The following CPNE5 variants were observed in gnomAD, a reference collection of about 807,000 sequenced individuals.
CPNE5 encodes the protein copine 5.
A neutral mutation model predicts 81.1 loss-of-function variants in CPNE5; 42 were observed. The ratio of observed to expected loss-of-function variants is 0.52; its 90% CI spans 0.40 to 0.67. The LOEUF (loss-of-function observed/expected upper bound fraction) is 0.67. Ranked by LOEUF, CPNE5 falls within the 30% of genes least tolerant of loss-of-function variation. The pLI is 0.00. For synonymous variants in CPNE5, 313 were observed against 321.5 expected, an observed-to-expected ratio of 0.97 and a Z score of 0.28; for missense variants, 612 against 815.5, an observed-to-expected ratio of 0.75 and a Z score of 3.04.
intron 8 of CPNE5, among the ~76,000 whole-genome samples, chr6:36,781,741 T>C (rs1166609487): frequency 6.6e-6 from 1 of 151,946 alleles, no homozygotes; most frequent in Non-Finnish European, 1.5e-5. Flanking sequence ...GGGCCCCCTG[T>C]TCAAAAACAA....
chr6:36,798,137 C>T lies in CPNE5; in HGVS notation c.404+28G>A, dbSNP rs201952143. 149 of 1,596,970 alleles carry T rather than the reference C, an allele frequency of 9.3e-5. 1 individual carries two copies. The East Asian group carries it at 3.0e-3, about 32-fold the overall frequency. On this transcript the variant is annotated intron_variant, in intron 6 of 20. Coordinates refer to ENST00000244751, the MANE Select transcript of CPNE5 (RefSeq NM_020939.2). ...GCAGAATGGGCGGGAAGTTGGCCTA[C>T]CACTGGGAAAGCAACCCAGACACTC...
intron 19 of CPNE5, 103 bp from the exon 20 acceptor site, chr6:36,743,865 C>T (rs577764997): frequency 3.3e-5 from 34 of 1,018,184 alleles, no homozygotes; most frequent in Admixed American, 2.3e-4. Flanking sequence ...AATCCAGGGC[C>T]GAGACCACTG....
chr6:36,796,311 G>A (rs1256633335), intron 6 of CPNE5, among the ~76,000 whole-genome samples: 3 of 152,194 alleles, frequency 2.0e-5, no homozygotes, highest in Non-Finnish European at 4.4e-5. Context: ...ATCTCCATAG[G>A]AAGTCTCCCT....
At chr6:36,779,037 G>T (rs952270948) in intron 8 of CPNE5, 80 bp from the exon 9 acceptor site, 85 of 935,032 alleles carry the variant, frequency 9.1e-5, no homozygotes, top group Non-Finnish European at 1.2e-4. Flanking sequence ...AGCATGAGGA[G>T]TCCAGGCACC....
chr6:36,743,415 G>A (rs1377873791), intron 20 of CPNE5, among the ~76,000 whole-genome samples: 1 of 152,268 alleles, frequency 6.6e-6, no homozygotes, highest in Non-Finnish European at 1.5e-5. Flanking sequence ...GAGGCCTGGA[G>A]GCTGAGGAAG....
At chr6:36,780,370 A>T (rs922994536) in intron 8 of CPNE5, among the ~76,000 whole-genome samples, 17 of 152,104 alleles carry the variant, frequency 1.1e-4, no homozygotes, top group Non-Finnish European at 1.9e-4. Context: ...AAGTTGAAGG[A>T]CTCAGTGACA....
chr6:36,762,543 T>C (rs1381563304), intron 12 of CPNE5, among the ~76,000 whole-genome samples: 2 of 152,144 alleles, frequency 1.3e-5, no homozygotes, highest in Non-Finnish European at 2.9e-5. Context: ...ACTGTTCTGA[T>C]TGAAAGCACA....
chr6:36,825,755 G>C (rs1772449617), intron 1 of CPNE5, among the ~76,000 whole-genome samples: 1 of 152,130 alleles, frequency 6.6e-6, no homozygotes, highest in Non-Finnish European at 1.5e-5. Flanking sequence ...TGGGGGTAGG[G>C]GTGTCTATCT....
At chr6:36,815,018 C>T (rs1771417196) in intron 3 of CPNE5, among the ~76,000 whole-genome samples, 1 of 151,862 alleles carries the variant, frequency 6.6e-6, no homozygotes, top group Admixed American at 6.6e-5. Context: ...ATTAGTCGGG[C>T]GTGGTGGTGC....
chr6:36,744,025 C>T (rs995755509), intron 19 of CPNE5, among the ~76,000 whole-genome samples: 3 of 152,256 alleles, frequency 2.0e-5, no homozygotes, highest in African/African-American at 7.2e-5. Context: ...CTTGGGGCCT[C>T]CTCCCCACAG....
chr6:36,766,163 T>C lies in CPNE5; in HGVS notation c.738-787A>G, dbSNP rs963625522. 2.0e-5 allele frequency among the ~76,000 whole-genome samples: 3 copies of C among 151,918 alleles called. No individual in the cohort carries two copies. Among genetic ancestry groups the C allele is most frequent in the Non-Finnish European group, 2.9e-5 (2 of 67,926 alleles). ...CCAGGGTCCCACAGCAGGGTCAGGTTTGGGGAGGTGGGAAGGGCCTGGGGA... is the reference window on the plus strand; with the variant it reads ...CCAGGGTCCCACAGCAGGGTCAGGTCTGGGGAGGTGGGAAGGGCCTGGGGA... On this transcript the variant is annotated intron_variant, in intron 10 of 20. Coordinates refer to ENST00000244751, the MANE Select transcript of CPNE5 (RefSeq NM_020939.2). This position sits in a 1 kb window ranked among gnomAD's most constrained non-coding sequence, Gnocchi z 4.2.
intron 13 of CPNE5, 141 bp from the exon 14 acceptor site, chr6:36,753,236 A>T: frequency 1.6e-6 from 1 of 625,288 alleles, no homozygotes; most frequent in South Asian, 1.9e-5. Flanking sequence ...ACACCACCCC[A>T]TGAAGTACTA....
At chr6:36,756,056 T>G in intron 13 of CPNE5, 189 bp downstream of exon 13, 1 of 589,198 alleles carries the variant, frequency 1.7e-6, no homozygotes. Flanking sequence ...TTGTGTGGTC[T>G]GCAAGTCAAC....
chr6:36,757,300 T>C (rs1582759423), intron 12 of CPNE5: 1 of 985,246 alleles, frequency 1.0e-6, no homozygotes. Flanking sequence ...GTGCTGCCTG[T>C]TGGTTTCTGG....
Position 36,744,295 on chromosome 6 carries a change from C to T in CPNE5, c.1462G>A (p.Val488Ile), listed in dbSNP as rs370526654. 45 of 1,584,174 alleles carry T rather than the reference C, an allele frequency of 2.8e-5. No individual in the cohort carries two copies. Among genetic ancestry groups the T allele is most frequent in the African/African-American group, 5.4e-5 (4 of 74,702 alleles). Residue 488 changes from valine to isoleucine, a missense_variant, in exon 19 of 21, where the codon GTC becomes ATC. Physicochemically the swap from Val to Ile is conservative, Grantham distance 29. Transcript: ENST00000244751. ...AAKLPMSIIIVGVGQAEFDAM... is the reference protein window; with the variant it reads ...AAKLPMSIIIIGVGQAEFDAM... The stretch of plus-strand genomic sequence containing the variant: ...TCGAACTCTGCCTGGCCCACGCCGA[C>T]GATAATGATGGACATGGGGAGCTTG...
At chr6:36,800,917 A>G (rs555358835) in intron 3 of CPNE5, among the ~76,000 whole-genome samples, 3 of 152,304 alleles carry the variant, frequency 2.0e-5, no homozygotes, top group East Asian at 1.9e-4. Context: ...AATCCTGCCA[A>G]CAACCACTGG....
At chr6:36,775,846 C>T (rs1767450573) in intron 9 of CPNE5, among the ~76,000 whole-genome samples, 1 of 152,046 alleles carries the variant, frequency 6.6e-6, no homozygotes, top group Non-Finnish European at 1.5e-5. Context: ...CTGGCACATC[C>T]CTAGTGCCTA....
intron 1 of CPNE5, among the ~76,000 whole-genome samples, chr6:36,830,844 C>T (rs920534381): frequency 1.3e-5 from 2 of 152,062 alleles, no homozygotes; most frequent in African/African-American, 4.8e-5. Context: ...TCCCTTATTC[C>T]CCCTCCTGTC....
At chr6:36,748,105 T>C in intron 15 of CPNE5, 116 bp downstream of exon 15, 3 of 938,384 alleles carry the variant, frequency 3.2e-6, no homozygotes, top group Non-Finnish European at 5.3e-6. Context: ...GTACATCCTC[T>C]TTGGTGAGGA....
Sources: gnomAD v4.1 joint callset for allele counts (sites outside exome capture counted in the v4.1 genomes callset) on GRCh38, gnomAD v4.1.1 for gene constraint, Gnocchi (gnomAD v3.1) non-coding constraint, MANE v1.5 for transcripts, NCBI Gene and HGNC (gene_info 2026-07-23, HGNC 2026-07-21) for gene names.